The following DSCAM variants were observed in gnomAD, a reference collection of about 807,000 sequenced individuals.
DSCAM encodes cell adhesion molecule DSCAM.
Under a neutral mutation model 217.7 loss-of-function variants are expected in DSCAM, and 47 were observed. That is an observed-to-expected ratio of 0.22 (90% CI 0.17 to 0.28). The LOEUF (loss-of-function observed/expected upper bound fraction) is 0.28. Among genes scored for constraint, DSCAM ranks in the 10% least tolerant of loss-of-function variants. The pLI is 1.00. For synonymous variants in DSCAM, 1,056 were observed against 1,015.3 expected (o/e 1.04, Z -0.76); for missense variants, 2,080 against 2,618.3 (o/e 0.79, Z 4.49).
chr21:40,017,826 A>G (rs1458708599), intron 32 of DSCAM, among the ~76,000 whole-genome samples: 9 of 152,206 alleles, frequency 5.9e-5, no homozygotes, highest in Non-Finnish European at 7.3e-5. Context: ...TGTTGGGATT[A>G]CAGGCGTGAG....
chr21:40,055,806 G>T lies in DSCAM; in HGVS notation c.4954C>A (p.Gln1652Lys), dbSNP rs1171081467. Reference sequence around the variant, plus strand: ...ATGTGCATTCGCAGGGTCTGCTGTTGCTTGCTTAACGTATCTGAAGTCCGG... The same window carrying T: ...ATGTGCATTCGCAGGGTCTGCTGTTTCTTGCTTAACGTATCTGAAGTCCGG... ...NTRTSDTLSK[Q>K]QQTLRMHIDI... The change falls in exon 29 of 33, where the codon CAA becomes AAA. Residue 1652 changes from glutamine (Q) to lysine (K), a missense_variant. This residue lies in a region of DSCAM where 1,144 missense variants were observed against 1,421.1 expected (regional missense o/e 0.81). Coordinates refer to ENST00000400454, the MANE Select transcript of DSCAM (RefSeq NM_001389.5). 1.2e-6 allele frequency: 2 copies of T among 1,613,760 alleles called. No homozygotes were observed. Among genetic ancestry groups the T allele is most frequent in the Non-Finnish European group, 8.5e-7 (1 of 1,179,670 alleles).
intron 4 of DSCAM, among the ~76,000 whole-genome samples, chr21:40,360,363 T>A (rs1364821299): frequency 1.3e-5 from 2 of 151,964 alleles, no homozygotes; most frequent in Non-Finnish European, 2.9e-5. Context: ...CTCTATCTCC[T>A]GACCTTGTGA....
At chr21:40,083,608 A>G (rs184488818) in intron 24 of DSCAM, among the ~76,000 whole-genome samples, 210 of 152,360 alleles carry the variant, frequency 1.4e-3, no homozygotes, top group Admixed American at 9.8e-4. Context: ...ACAAAATAAA[A>G]AAGAAACAGT....
At chr21:40,750,024 T>A (rs2091212915) in intron 1 of DSCAM, among the ~76,000 whole-genome samples, 1 of 151,834 alleles carries the variant, frequency 6.6e-6, no homozygotes, top group Non-Finnish European at 1.5e-5. Flanking sequence ...ACCTCCTGGG[T>A]TCAAGTGATT....
chr21:40,430,865 G>A (rs544829885), intron 3 of DSCAM, among the ~76,000 whole-genome samples: 2 of 152,328 alleles, frequency 1.3e-5, no homozygotes, highest in South Asian at 2.1e-4. Context: ...CACAGCACGT[G>A]CTTCACACAT....
intron 3 of DSCAM, among the ~76,000 whole-genome samples, chr21:40,406,005 CAAAG>C (rs1275926510): frequency 1.3e-5 from 2 of 152,050 alleles, no homozygotes; most frequent in Admixed American, 6.6e-5. Context: ...TCAACAACAA[CAAAG>C]AAAGATGATA....
intron 8 of DSCAM, among the ~76,000 whole-genome samples, chr21:40,329,404 A>C (rs1435210192): frequency 6.6e-6 from 1 of 152,132 alleles, no homozygotes; most frequent in African/African-American, 2.4e-5. Context: ...TCACGAGGTC[A>C]AGAGATTGAG....
intron 1 of DSCAM, among the ~76,000 whole-genome samples, chr21:40,801,434 A>G (rs565586641): frequency 6.6e-6 from 1 of 152,358 alleles, no homozygotes; most frequent in South Asian, 2.1e-4. Context: ...TGCTAAACAT[A>G]TTAGTATGAA....
At chr21:40,686,567 A>T (rs551417053) in intron 3 of DSCAM, among the ~76,000 whole-genome samples, 13 of 152,126 alleles carry the variant, frequency 8.5e-5, no homozygotes, top group Admixed American at 3.9e-4. Flanking sequence ...ACCTATCTCT[A>T]TGTGTCTATC....
chr21:40,377,400 T>C (rs1390842689), intron 3 of DSCAM, among the ~76,000 whole-genome samples: 1 of 151,292 alleles, frequency 6.6e-6, no homozygotes, highest in Admixed American at 6.6e-5. Flanking sequence ...ACAACCAGAG[T>C]GGGGCAGAAG....
chr21:40,745,907 G>A (rs886520224), intron 1 of DSCAM, among the ~76,000 whole-genome samples: 8 of 151,980 alleles, frequency 5.3e-5, no homozygotes, highest in African/African-American at 9.7e-5. Flanking sequence ...AAAAATGAAC[G>A]TGTGTGGGAT....
chr21:40,588,253 A>G (rs749261005), intron 3 of DSCAM, among the ~76,000 whole-genome samples: 6 of 152,194 alleles, frequency 3.9e-5, no homozygotes, highest in Non-Finnish European at 7.3e-5. Flanking sequence ...GGTTGGCTCA[A>G]AATCATGGAT....
At chr21:40,267,157 T>G (rs2073549292) in intron 11 of DSCAM, among the ~76,000 whole-genome samples, 1 of 151,700 alleles carries the variant, frequency 6.6e-6, no homozygotes, top group South Asian at 2.1e-4. Flanking sequence ...CAAAGTCACT[T>G]GTACCCCTAA....
At chr21:40,326,527 C>T (rs139552661) in intron 8 of DSCAM, among the ~76,000 whole-genome samples, 13 of 152,242 alleles carry the variant, frequency 8.5e-5, no homozygotes, top group East Asian at 5.8e-4. Flanking sequence ...GTCTTTTGCA[C>T]GACTGGGAGC....
In DSCAM at chr21:40,409,392, A is replaced by T. The variant is rs138246345; in HGVS notation, c.509-40147T>A. ...AAGCCTGAAATAAGGAAAGCGAACAAAGTGAAATCTCTGCTTTTCCAGAGA... is the reference window on the plus strand; with the variant it reads ...AAGCCTGAAATAAGGAAAGCGAACATAGTGAAATCTCTGCTTTTCCAGAGA... On this transcript the variant is annotated intron_variant, in intron 3 of 32. Transcript: ENST00000400454. Among the ~76,000 whole-genome samples, 643 of 152,350 alleles carry T rather than the reference A, an allele frequency of 4.2e-3. 1 individual carries two copies. The highest frequency in any genetic ancestry group is 6.3e-3 in the Non-Finnish European group (426 of 68,020).
chr21:40,614,755 C>T (rs1225341099), intron 3 of DSCAM, among the ~76,000 whole-genome samples: 1 of 152,158 alleles, frequency 6.6e-6, no homozygotes, highest in Non-Finnish European at 1.5e-5. Flanking sequence ...GGCCATTCTA[C>T]ATTCTTCCAT....
chr21:40,160,709 T>C (rs968037855), intron 16 of DSCAM, among the ~76,000 whole-genome samples: 4 of 152,246 alleles, frequency 2.6e-5, no homozygotes, highest in African/African-American at 9.6e-5. Context: ...TTTGCATTTC[T>C]GATAATATGC....
intron 27 of DSCAM, among the ~76,000 whole-genome samples, chr21:40,066,051 C>A (rs2089201815): frequency 6.6e-6 from 1 of 152,264 alleles, no homozygotes; most frequent in Non-Finnish European, 1.5e-5. Context: ...CCGCCCCATG[C>A]AGACGCAACT....
intron 16 of DSCAM, among the ~76,000 whole-genome samples, chr21:40,149,566 TC>T (rs1350879911): frequency 7.2e-6 from 1 of 139,760 alleles, no homozygotes. Context: ...CATCACTCCA[TC>T]ACTATCCCAA....
Sources: allele counts gnomAD v4.1 joint callset (sites outside exome capture counted in the v4.1 genomes callset), GRCh38; gene constraint gnomAD v4.1.1; regional missense constraint gnomAD v4.1.1; transcripts MANE v1.5; gene names NCBI Gene and HGNC (gene_info 2026-07-23, HGNC 2026-07-21).